The following SEPTIN7 variants were observed in gnomAD, a reference collection of about 807,000 sequenced individuals.
SEPTIN7 encodes the protein septin 7, also known as septin-7.
SEPTIN7 carries 10 observed loss-of-function variants against 63.3 expected under a neutral mutation model. That is an observed-to-expected ratio of 0.16 (90% CI 0.10 to 0.27). The LOEUF (loss-of-function observed/expected upper bound fraction) is 0.27, where lower values mean the gene tolerates loss of function less well. Among genes scored for constraint, SEPTIN7 ranks in the 10% least tolerant of loss-of-function variants. SEPTIN7 has a pLI of 1.00. For synonymous variants in SEPTIN7, 131 were observed against 165.3 expected (o/e 0.79, Z 1.59); for missense variants, 310 against 521.0 (o/e 0.59, Z 3.94).
chr7:35,801,296 A>G (rs746112081), intron 1 of SEPTIN7, 26 bp downstream of exon 1: 1 of 1,516,792 alleles, frequency 6.6e-7, no homozygotes, highest in Non-Finnish European at 8.8e-7. Context: ...GGGTGCCGCG[A>G]CTTGGGGTCA....
chr7:35,911,549 T>A (rs567633540), downstream of SEPTIN7, among the ~76,000 whole-genome samples: 33 of 152,378 alleles, frequency 2.2e-4, no homozygotes, highest in South Asian at 6.8e-3. Context: ...CCTAAGGGGA[T>A]GTTTAGCTTA....
At chr7:35,801,037 G>C (rs1323785705), upstream of SEPTIN7, 1 of 474,532 alleles carries the variant, frequency 2.1e-6, no homozygotes, top group Non-Finnish European at 3.7e-6. Context: ...GAGGGGGCGG[G>C]GGACGGAGGA....
At chr7:35,815,169 A>T (rs1172394076) in intron 1 of SEPTIN7, 1 of 445,338 alleles carries the variant, frequency 2.2e-6, no homozygotes, top group African/African-American at 2.0e-5. Flanking sequence ...TTTCTAGTTC[A>T]TCTTGTATTT....
chr7:35,826,261 T>C (rs2115835418), intron 1 of SEPTIN7, among the ~76,000 whole-genome samples: 1 of 151,974 alleles, frequency 6.6e-6, no homozygotes, highest in Non-Finnish European at 1.5e-5. Context: ...TACTAAGGAG[T>C]TGAGAAGTAA....
At chr7:35,811,808 G>A (rs1011652439) in intron 1 of SEPTIN7, among the ~76,000 whole-genome samples, 4 of 152,170 alleles carry the variant, frequency 2.6e-5, no homozygotes, top group African/African-American at 4.8e-5. Context: ...TGGATCATGA[G>A]GTCAGGAGTT....
intron 3 of SEPTIN7, among the ~76,000 whole-genome samples, chr7:35,842,333 T>A (rs745732609): frequency 6.9e-6 from 1 of 144,456 alleles, no homozygotes; most frequent in Non-Finnish European, 1.5e-5. Flanking sequence ...TTAATTTTAC[T>A]CAAACTTTGT....
intron 3 of SEPTIN7, among the ~76,000 whole-genome samples, chr7:35,837,635 A>G (rs1241280915): frequency 6.6e-6 from 1 of 152,236 alleles, no homozygotes; most frequent in African/African-American, 2.4e-5. Flanking sequence ...AAGTGTTGAC[A>G]GCACTGTTTT....
At position 35,906,230 on chromosome 7, in the gene SEPTIN7, G is replaced by A. The variant is rs1788602448; in HGVS notation, c.*1937G>A. On this transcript the variant is annotated 3_prime_UTR_variant, in exon 14 of 14. Transcript: ENST00000350320. ...ATGTATTATAATAATAAATTTGTAAGACATTCATTATTCTACCATCCTAAT... is the reference window on the plus strand; with the variant it reads ...ATGTATTATAATAATAAATTTGTAAAACATTCATTATTCTACCATCCTAAT... The A allele has an allele frequency of 6.6e-6, 1 of 152,168 alleles. No homozygotes were observed. Among genetic ancestry groups the A allele is most frequent in the Admixed American group, 6.6e-5 (1 of 15,266 alleles). The allele number at this position is 152,168 out of a possible 1,614,324, so 9.4% of individuals were successfully genotyped here.
the SEPTIN7 span, among the ~76,000 whole-genome samples, chr7:35,915,739 C>T: frequency 6.6e-6 from 1 of 152,200 alleles, no homozygotes; most frequent in Non-Finnish European, 1.5e-5. Context: ...CGTCTCTTTT[C>T]TTCCACTGAC....
chr7:35,884,951 T>C (rs1787136068), intron 9 of SEPTIN7, among the ~76,000 whole-genome samples: 1 of 152,206 alleles, frequency 6.6e-6, no homozygotes, highest in African/African-American at 2.4e-5. Context: ...TCTTCTGTAT[T>C]ATAGTAAGCT....
At chr7:35,903,703 CA>C (rs1480692574) in intron 13 of SEPTIN7, among the ~76,000 whole-genome samples, 1 of 152,116 alleles carries the variant, frequency 6.6e-6, no homozygotes, top group African/African-American at 2.4e-5. Flanking sequence ...ATACAAAATT[CA>C]ATAATATTTG....
At chr7:35,911,919 C>G (rs1788749243), downstream of SEPTIN7, among the ~76,000 whole-genome samples, 1 of 152,186 alleles carries the variant, frequency 6.6e-6, no homozygotes, top group Admixed American at 6.5e-5. Flanking sequence ...GAGCTGCAGA[C>G]AGATTAGCAG....
At chr7:35,897,841 C>T (rs1489351913) in intron 11 of SEPTIN7, among the ~76,000 whole-genome samples, 2 of 152,088 alleles carry the variant, frequency 1.3e-5, no homozygotes, top group Non-Finnish European at 2.9e-5. Context: ...GATTGTAACA[C>T]TTGAAATTCT....
intron 6 of SEPTIN7, among the ~76,000 whole-genome samples, chr7:35,876,254 A>G (rs2116239900): frequency 6.6e-6 from 1 of 152,098 alleles, no homozygotes; most frequent in African/African-American, 2.4e-5. Context: ...TTTTGCATTT[A>G]AATATAAAAT....
intron 2 of SEPTIN7, chr7:35,831,855 T>A (rs908564064): frequency 2.1e-5 from 6 of 285,866 alleles, no homozygotes; most frequent in Non-Finnish European, 3.4e-5. Flanking sequence ...GAATTGATGT[T>A]TTGATCCCAT....
chr7:35,834,186 C>G (rs1339986938), intron 3 of SEPTIN7, among the ~76,000 whole-genome samples: 2 of 151,868 alleles, frequency 1.3e-5, no homozygotes, highest in African/African-American at 4.8e-5. Context: ...TTAATAATCT[C>G]AAGTGACAAA....
At chr7:35,902,348 T>A (rs1293999969) in intron 12 of SEPTIN7, 1 of 152,146 alleles carries the variant, frequency 6.6e-6, no homozygotes, top group Non-Finnish European at 1.5e-5. Flanking sequence ...CAGCATTCTT[T>A]ACAGTATTAA....
chr7:35,865,641 A>G (rs546977814), intron 4 of SEPTIN7, among the ~76,000 whole-genome samples: 1 of 151,786 alleles, frequency 6.6e-6, no homozygotes, highest in East Asian at 1.9e-4. Context: ...ATATAAAGGT[A>G]TTTGAGTCTA....
At chr7:35,885,413 A>G (rs953517999) in intron 9 of SEPTIN7, among the ~76,000 whole-genome samples, 6 of 152,176 alleles carry the variant, frequency 3.9e-5, no homozygotes, top group African/African-American at 1.2e-4. Context: ...AAATAAAAGT[A>G]AAGAACCTGA....
Sources: allele counts gnomAD v4.1 joint callset (sites outside exome capture counted in the v4.1 genomes callset), GRCh38; gene constraint gnomAD v4.1.1; transcripts MANE v1.5; gene names NCBI Gene and HGNC (gene_info 2026-07-23, HGNC 2026-07-21).